Variants in PDE1C observed in about 807,000 individuals in gnomAD.
PDE1C encodes the protein dual specificity calcium/calmodulin-dependent 3',5'-cyclic nucleotide phosphodiesterase 1C.
In PDE1C, 62 loss-of-function variants were observed where a neutral mutation model predicts 93.1. The observed-to-expected ratio is 0.67, with a 90% CI of 0.54 to 0.82. PDE1C has a LOEUF of 0.82. PDE1C is among the 40% of genes least tolerant of loss of function. The pLI is 0.00. For synonymous variants in PDE1C, 325 were observed against 310.1 expected (o/e 1.05, Z -0.50); for missense variants, 742 against 884.6 (o/e 0.84, Z 2.04).
intron 16 of PDE1C, 87 bp downstream of exon 16, chr7:31,808,944 C>A: frequency 1.4e-6 from 1 of 735,872 alleles, no homozygotes; most frequent in Admixed American, 2.0e-5. Context: ...TATTCACAAC[C>A]ACTATTTCAA....
intron 2 of PDE1C, among the ~76,000 whole-genome samples, chr7:32,198,284 AT>A (rs1804757723): frequency 6.6e-6 from 1 of 152,216 alleles, no homozygotes; most frequent in Non-Finnish European, 1.5e-5. Context: ...ATATTATTCA[AT>A]TTGACTTCTG....
chr7:31,994,440 T>C (rs1784484161), intron 2 of PDE1C, among the ~76,000 whole-genome samples: 1 of 152,202 alleles, frequency 6.6e-6, no homozygotes, highest in Non-Finnish European at 1.5e-5. Flanking sequence ...AGGTTTGCTA[T>C]CTATGAGCCG....
intron 16 of PDE1C, 54 bp downstream of exon 16, chr7:31,808,977 C>G: frequency 9.8e-7 from 1 of 1,023,112 alleles, no homozygotes; most frequent in South Asian, 1.3e-5. Context: ...TTCTAACAAG[C>G]TTACATTAAA....
chr7:32,153,954 T>C (rs923696705), intron 3 of PDE1C, among the ~76,000 whole-genome samples: 4 of 152,264 alleles, frequency 2.6e-5, no homozygotes, highest in African/African-American at 4.8e-5. Flanking sequence ...TGATATTTTA[T>C]AATTTTTAAA....
intron 11 of PDE1C, among the ~76,000 whole-genome samples, chr7:31,831,167 G>GTATATTCTTCT (rs1397790208): frequency 6.6e-6 from 1 of 152,196 alleles, no homozygotes; most frequent in African/African-American, 2.4e-5. Flanking sequence ...GCACAGCAAT[G>GTATATTCTTCT]TATATTCTTC....
chr7:32,300,350 T>C (rs1812851557), upstream of PDE1C, among the ~76,000 whole-genome samples: 1 of 152,244 alleles, frequency 6.6e-6, no homozygotes, highest in Non-Finnish European at 1.5e-5. Context: ...CGAGATTAAT[T>C]AATCACAAAG....
intron 2 of PDE1C, among the ~76,000 whole-genome samples, chr7:32,182,951 G>C (rs1318928198): frequency 6.6e-6 from 1 of 152,202 alleles, no homozygotes; most frequent in Non-Finnish European, 1.5e-5. Flanking sequence ...CTTCAGCCAA[G>C]TATCAGGATA....
At chr7:31,626,404 A>G in the PDE1C span, among the ~76,000 whole-genome samples, 1 of 152,206 alleles carries the variant, frequency 6.6e-6, no homozygotes, top group African/African-American at 2.4e-5. Context: ...GTCACTGATA[A>G]CTTTTAAAAT....
At chr7:31,742,255 C>A in the PDE1C span, among the ~76,000 whole-genome samples, 1 of 152,246 alleles carries the variant, frequency 6.6e-6, no homozygotes, top group Non-Finnish European at 1.5e-5. Flanking sequence ...GTCCTGTGCT[C>A]TTCCGGCACT....
rs114320976 is a variant in PDE1C, at chr7:31,964,031, C to A, written c.129-83171G>T. On this transcript the variant is annotated intron_variant, in intron 2 of 17. Coordinates refer to ENST00000396191, the MANE Select transcript of PDE1C (RefSeq NM_001191057.4). ...AGCTATCTACAGCTCCCAGTGTGAGCGATAAAGAAGACGGGTGATTTCTGC... is the reference window on the plus strand; with the variant it reads ...AGCTATCTACAGCTCCCAGTGTGAGAGATAAAGAAGACGGGTGATTTCTGC... Among the ~76,000 whole-genome samples, 1,278 of 152,260 alleles carry A rather than the reference C, an allele frequency of 8.4e-3. 21 individuals carry two copies. The highest frequency in any genetic ancestry group is 0.029 in the African/African-American group (1,224 of 41,562).
At chr7:32,048,794 T>G (rs764038592) in intron 2 of PDE1C, among the ~76,000 whole-genome samples, 2 of 152,176 alleles carry the variant, frequency 1.3e-5, no homozygotes, top group Admixed American at 6.5e-5. Flanking sequence ...TGTATTTCAT[T>G]AAAAATAGAA....
At chr7:32,169,737 C>G (rs1408751132) in intron 3 of PDE1C, 6 of 1,553,150 alleles carry the variant, frequency 3.9e-6, no homozygotes, top group Middle Eastern at 1.7e-4. Context: ...ATTGAAACAA[C>G]TCCACAAGCA....
intron 2 of PDE1C, among the ~76,000 whole-genome samples, chr7:32,207,621 CTTT>C (rs58529198): frequency 6.6e-6 from 1 of 151,804 alleles, no homozygotes; most frequent in Non-Finnish European, 1.5e-5. Flanking sequence ...TTTCGTTCTC[CTTT>C]TTTTTCCCTG....
intron 1 of PDE1C, among the ~76,000 whole-genome samples, chr7:32,233,138 A>G (rs1807825930): frequency 6.6e-6 from 1 of 152,204 alleles, no homozygotes; most frequent in Non-Finnish European, 1.5e-5. Flanking sequence ...AAATACTCCA[A>G]AAAAAGAAGG....
At chr7:31,988,685 C>A (rs1783730458) in intron 2 of PDE1C, among the ~76,000 whole-genome samples, 2 of 152,044 alleles carry the variant, frequency 1.3e-5, no homozygotes, top group South Asian at 4.2e-4. Context: ...CAGAGTGAGA[C>A]CCTGTCTCTT....
intron 3 of PDE1C, among the ~76,000 whole-genome samples, chr7:32,120,159 T>A (rs1250714338): frequency 6.6e-6 from 1 of 152,178 alleles, no homozygotes; most frequent in Non-Finnish European, 1.5e-5. Flanking sequence ...TGACCCTGAC[T>A]CATCCTTCCT....
chr7:31,961,164 G>A (rs1808882072), intron 2 of PDE1C, among the ~76,000 whole-genome samples: 1 of 151,448 alleles, frequency 6.6e-6, no homozygotes, highest in East Asian at 1.9e-4. Flanking sequence ...GTCAGCATAT[G>A]GAGAAAAAAG....
rs749551089 is a variant in PDE1C at position 32,403,998 on chromosome 7, C to T, written c.310+23824G>A. On this transcript the variant is annotated intron_variant, in intron 1 of 1. Transcript: ENST00000672256. ...ACCACCCTCAACACAAGAATCTGCA[C>T]TGTTGCATCACATCCTCCATCTACA... Among the ~76,000 whole-genome samples, 61 of 152,276 alleles carry T rather than the reference C, an allele frequency of 4.0e-4. 1 individual carries two copies. Among genetic ancestry groups the T allele is most frequent in the East Asian group, 1.9e-4 (1 of 5,184 alleles).
intron 2 of PDE1C, among the ~76,000 whole-genome samples, chr7:32,208,025 G>A (rs1460611053): frequency 1.3e-5 from 2 of 152,192 alleles, no homozygotes; most frequent in Non-Finnish European, 2.9e-5. Context: ...TTGAGCTGTG[G>A]GATGAAATAT....
Sources: allele counts gnomAD v4.1 joint callset (sites outside exome capture counted in the v4.1 genomes callset), GRCh38; gene constraint gnomAD v4.1.1; transcripts MANE v1.5; gene names NCBI Gene and HGNC (gene_info 2026-07-23, HGNC 2026-07-21).